CACNA1A: variants seen among roughly 807,000 people sequenced by gnomAD.
CACNA1A encodes the protein calcium voltage-gated channel subunit alpha1 A.
In CACNA1A, 57 loss-of-function variants were observed where a neutral mutation model predicts 262.4. The observed-to-expected ratio is 0.22, with a 90% CI of 0.18 to 0.27. The LOEUF (loss-of-function observed/expected upper bound fraction) is 0.27. Among genes scored for constraint, CACNA1A ranks in the 10% least tolerant of loss-of-function variants. CACNA1A has a pLI of 1.00. For missense variants in CACNA1A, 2,526 were observed against 3,562.8 expected (o/e 0.71, Z 7.41); for synonymous variants, 1,431 against 1,419.3 (o/e 1.01, Z -0.18).
chr19:13,255,697 C>CT (rs1226950833), intron 28 of CACNA1A, among the ~76,000 whole-genome samples: 1,369 of 127,330 alleles, frequency 0.011, 65 homozygotes, highest in African/African-American at 0.041. Flanking sequence ...TCCTTCCTCC[C>CT]TCCTTCCTTC....
intron 10 of CACNA1A, among the ~76,000 whole-genome samples, chr19:13,324,640 G>A (rs2058317711): frequency 6.6e-6 from 1 of 152,162 alleles, no homozygotes; most frequent in African/African-American, 2.4e-5. Flanking sequence ...AGCCAGGGCA[G>A]GAGGATCACT....
rs2056676805 is a variant in CACNA1A at position 13,259,704 on chromosome 19, G to A, written c.4251-3C>T. ...TCTCGTAGAGGAGGTATTTGCCTCT[G>A]CCACAGAGAGTGGGGACTGTTAGTA... On this transcript the variant is annotated splice_region_variant and splice_polypyrimidine_tract_variant and intron_variant, in intron 26 of 46. Transcript: ENST00000360228. 1 of 1,610,846 alleles carries A rather than the reference G, an allele frequency of 6.2e-7. No individual in the cohort carries two copies. The highest frequency in any genetic ancestry group is 1.7e-5 in the Admixed American group (1 of 59,624).
chr19:13,380,921 G>C (rs2059513783), intron 3 of CACNA1A, among the ~76,000 whole-genome samples: 1 of 151,818 alleles, frequency 6.6e-6, no homozygotes, highest in Non-Finnish European at 1.5e-5. Context: ...CTACAGGTGG[G>C]AGCCACCAAG....
At chr19:13,405,986 G>T (rs916121625) in intron 3 of CACNA1A, among the ~76,000 whole-genome samples, 3 of 152,014 alleles carry the variant, frequency 2.0e-5, no homozygotes, top group African/African-American at 7.3e-5. Flanking sequence ...ATATTGCCTG[G>T]ATGGTCTTCC....
chr19:13,487,985 G>T (rs953683590), intron 1 of CACNA1A, among the ~76,000 whole-genome samples: 5 of 151,784 alleles, frequency 3.3e-5, no homozygotes, highest in African/African-American at 1.2e-4. Flanking sequence ...TTTAAATGTT[G>T]CCCAGGCTGG....
At chr19:13,407,419 T>A (rs755183598) in intron 3 of CACNA1A, among the ~76,000 whole-genome samples, 25 of 152,194 alleles carry the variant, frequency 1.6e-4, no homozygotes, top group Non-Finnish European at 2.9e-4. Context: ...GAGATTCCTA[T>A]TTCCTTCTCT....
At chr19:13,293,799 A>G (rs2057598997) in intron 19 of CACNA1A, among the ~76,000 whole-genome samples, 1 of 147,014 alleles carries the variant, frequency 6.8e-6, no homozygotes, top group South Asian at 2.3e-4. Context: ...TACTATTCTT[A>G]TCTTCATTTT....
chr19:13,249,756 G>C (rs1025862198), intron 30 of CACNA1A, among the ~76,000 whole-genome samples: 1 of 152,166 alleles, frequency 6.6e-6, no homozygotes, highest in Non-Finnish European at 1.5e-5. Context: ...CTGAGGTGGA[G>C]GGGGAGGATG....
intron 3 of CACNA1A, among the ~76,000 whole-genome samples, chr19:13,418,569 G>A (rs1433279218): frequency 6.6e-6 from 1 of 152,190 alleles, no homozygotes; most frequent in African/African-American, 2.4e-5. Flanking sequence ...TGACACAGCA[G>A]AAGAGGGAAC....
intron 1 of CACNA1A, among the ~76,000 whole-genome samples, chr19:13,488,276 T>C (rs1460660872): frequency 1.3e-5 from 2 of 151,994 alleles, no homozygotes; most frequent in African/African-American, 2.4e-5. Context: ...GGCTGAACTT[T>C]AGAAACCCTT....
chr19:13,208,857 G>C lies in CACNA1A; in HGVS notation c.6679C>G (p.Arg2227Gly). Residue 2227 changes from arginine (R) to glycine (G), a missense_variant, in exon 46 of 47, where the codon CGC (arginine) becomes GGC (glycine). Arg to Gly is a moderately radical substitution (Grantham distance 125). This residue lies in a region of CACNA1A where 929 missense variants were observed against 868.1 expected (regional missense o/e 1.07). Coordinates refer to ENST00000360228, the MANE Select transcript of CACNA1A (RefSeq NM_001127222.2). ...TGGTCCGGCCGTTCCTGGGCATAGC[G>C]GTCCTTGTCGGGGGGCGGGGGATGG... is the stretch of plus-strand genomic sequence containing the variant. ...HHHPPPPDKD[R>G]YAQERPDHGR... 1 of 1,536,620 alleles carries C rather than the reference G, an allele frequency of 6.5e-7. No individual in the cohort carries two copies. Among genetic ancestry groups the C allele is most frequent in the Non-Finnish European group, 8.7e-7 (1 of 1,147,296 alleles).
At chr19:13,459,989 C>T (rs58805641) in intron 1 of CACNA1A, among the ~76,000 whole-genome samples, 23,081 of 152,098 alleles carry the variant, frequency 0.15, 2,025 homozygotes, top group East Asian at 0.26. Flanking sequence ...ACTCTCCCAC[C>T]TTGCTTCATT....
intron 1 of CACNA1A, among the ~76,000 whole-genome samples, chr19:13,497,488 CAAAAAAAAAAAAA>C (rs59964256): frequency 2.8e-3 from 11 of 3,976 alleles, no homozygotes; most frequent in African/African-American, 3.1e-3. Context: ...AACTCCATCT[CAAAAAAAAAAAAA>C]AAAAAAAAAA....
intron 12 of CACNA1A, among the ~76,000 whole-genome samples, chr19:13,310,411 C>T (rs556841334): frequency 3.7e-4 from 45 of 121,594 alleles, no homozygotes; most frequent in Admixed American, 3.5e-3. Context: ...GCCAAGATTG[C>T]GCCACTGCAC....
intron 24 of CACNA1A, chr19:13,263,518 T>C (rs1449826207): frequency 6.6e-6 from 1 of 151,262 alleles, no homozygotes; most frequent in Admixed American, 6.6e-5. Flanking sequence ...TGGTCCCCTA[T>C]GTATTCTTTT....
intron 11 of CACNA1A, chr19:13,315,160 T>C (rs2058101748): frequency 6.6e-6 from 1 of 152,076 alleles, no homozygotes; most frequent in Non-Finnish European, 1.5e-5. Context: ...TATACATTTT[T>C]GTTTATATTT....
intron 20 of CACNA1A, 39 bp downstream of exon 20, chr19:13,286,464 A>T: frequency 1.0e-6 from 1 of 998,560 alleles, no homozygotes; most frequent in Non-Finnish European, 1.5e-6. Flanking sequence ...CAGGGACGCC[A>T]GGTCCCCTGC....
chr19:13,368,508 T>A (rs2059258308), intron 4 of CACNA1A, among the ~76,000 whole-genome samples: 1 of 152,244 alleles, frequency 6.6e-6, no homozygotes, highest in South Asian at 2.1e-4. Context: ...CCACTACCAT[T>A]TTTTTCTTGA....
chr19:13,326,207 T>C (rs1371430724), intron 10 of CACNA1A, among the ~76,000 whole-genome samples: 2 of 151,816 alleles, frequency 1.3e-5, no homozygotes, highest in Admixed American at 1.3e-4. Context: ...TCCCAGCTAC[T>C]TGGAGGCTGA....
Sources: gnomAD v4.1 joint callset for allele counts (sites outside exome capture counted in the v4.1 genomes callset) on GRCh38, gnomAD v4.1.1 for gene constraint, gnomAD v4.1.1 regional missense constraint, MANE v1.5 for transcripts, NCBI Gene and HGNC (gene_info 2026-07-23, HGNC 2026-07-21) for gene names.